MYBL1: variants seen among roughly 807,000 people sequenced by gnomAD.
MYBL1 encodes the protein myb-related protein A.
Under a neutral mutation model 96.3 loss-of-function variants are expected in MYBL1, and 17 were observed. The ratio of observed to expected loss-of-function variants is 0.18; its 90% CI spans 0.12 to 0.26. The LOEUF (loss-of-function observed/expected upper bound fraction) is 0.26, where lower values mean the gene tolerates loss of function less well. MYBL1 is among the 10% of genes least tolerant of loss of function. MYBL1 has a pLI of 1.00. For synonymous variants in MYBL1, 282 were observed against 292.7 expected (o/e 0.96, Z 0.37); for missense variants, 701 against 882.9 (o/e 0.79, Z 2.61).
intron 1 of MYBL1, among the ~76,000 whole-genome samples, chr8:66,602,841 GT>G (rs1287262627): frequency 6.9e-6 from 1 of 144,186 alleles, no homozygotes; most frequent in African/African-American, 2.6e-5. Flanking sequence ...CGCCTCCCAG[GT>G]TCACGCCATT....
At position 66,580,211 on chromosome 8, in the gene MYBL1, C is replaced by T. The variant is rs982558160; in HGVS notation, c.1023G>A (p.Leu341=). 8.1e-6 allele frequency: 13 copies of T among 1,613,812 alleles called. No individual in the cohort carries two copies. The highest frequency in any genetic ancestry group is 1.1e-5 in the Non-Finnish European group (13 of 1,179,872). The change falls in exon 9 of 16, where the codon CTG becomes CTA. Residue 341 remains leucine, a synonymous_variant. Coordinates refer to ENST00000522677, the MANE Select transcript of MYBL1 (RefSeq NM_001080416.4). ...ATAACACAGCGTTTGCCTCCACGGCCAGGAACTTTGTGGGTGAATTCTGCT... is the reference window on the plus strand; with the variant it reads ...ATAACACAGCGTTTGCCTCCACGGCTAGGAACTTTGTGGGTGAATTCTGCT... ...SAQQNSPTKF[L]AVEANAVLSS... is the part of the protein sequence containing the mutation.
At chr8:66,597,772 C>A (rs1809906679) in intron 4 of MYBL1, among the ~76,000 whole-genome samples, 1 of 138,476 alleles carries the variant, frequency 7.2e-6, no homozygotes, top group Non-Finnish European at 1.5e-5. Flanking sequence ...TCTTGAAATT[C>A]AATTGCTTTC....
rs1396674328 is a variant in MYBL1, at chr8:66,592,539, G to C, written c.768C>G (p.Pro256=). 3 of 1,574,166 alleles carry C rather than the reference G, an allele frequency of 1.9e-6. No homozygotes were observed. Among genetic ancestry groups the C allele is most frequent in the Non-Finnish European group, 2.6e-6 (3 of 1,162,972 alleles). ...VQPTSAFIQQ[P]FIDEDPDKEK... ...CCTTATCAGGATCTTCATCAATGAA[G>C]GGTTGCTAAAATAAGTTAAATAAAA... Residue 256 remains proline (P), a synonymous_variant, in exon 8 of 16, where the codon CCC becomes CCG. Transcript: ENST00000522677.
At chr8:66,598,256 A>T (rs1809929244) in intron 4 of MYBL1, among the ~76,000 whole-genome samples, 1 of 152,180 alleles carries the variant, frequency 6.6e-6, no homozygotes, top group Non-Finnish European at 1.5e-5. Context: ...AGTGCAGTCT[A>T]GGTGAAGTAA....
chr8:66,599,748 C>T (rs1809993994), intron 3 of MYBL1, among the ~76,000 whole-genome samples: 1 of 151,502 alleles, frequency 6.6e-6, no homozygotes, highest in African/African-American at 2.4e-5. Context: ...TGCGGTGAGC[C>T]GAGATTGCAC....
chr8:66,604,530 G>A (rs1282576926), intron 1 of MYBL1, among the ~76,000 whole-genome samples: 1 of 151,640 alleles, frequency 6.6e-6, no homozygotes, highest in African/African-American at 2.4e-5. Context: ...AAAAAAGATG[G>A]TGTCCTACTT....
Position 66,580,158 on chromosome 8 carries a change from G to A in MYBL1, c.1076C>T (p.Ala359Val). 1.2e-6 allele frequency: 2 copies of A among 1,613,342 alleles called. No homozygotes were observed. The highest frequency in any genetic ancestry group is 1.7e-6 in the Non-Finnish European group (2 of 1,179,428). ...LSSLQTIPEF[A>V]ETLELIESDP... ...AGATTCAATAAGTTCTAGAGTCTCT[G>A]CAAATTCTGGGATGGTCTGCAAAGA... is the stretch of plus-strand genomic sequence containing the variant. The change falls in exon 9 of 16, where the codon GCA (alanine) becomes GTA (valine). Residue 359 changes from alanine to valine, a missense_variant. Around this residue, in one of 5 missense-constraint regions of MYBL1, gnomAD observed 396 missense variants for 407.4 expected, o/e 0.97. Transcript: ENST00000522677.
intron 12 of MYBL1, among the ~76,000 whole-genome samples, chr8:66,568,059 A>C (rs897349005): frequency 3.3e-5 from 5 of 151,756 alleles, no homozygotes; most frequent in African/African-American, 1.2e-4. Context: ...AAAAAAAAAA[A>C]AAACAACAAC....
intron 6 of MYBL1, among the ~76,000 whole-genome samples, chr8:66,594,401 T>C (rs1004922902): frequency 6.6e-6 from 1 of 152,102 alleles, no homozygotes; most frequent in East Asian, 1.9e-4. Context: ...GTCACACATA[T>C]AATAAAATTA....
chr8:66,566,253 A>C lies in MYBL1; in HGVS notation c.1951-10T>G. ...TAAATCTATTTTCTGACTAAGAGAG[A>C]AAAAAGAAAGAGGAAAATAACTAAT... On this transcript the variant is annotated splice_polypyrimidine_tract_variant and intron_variant, in intron 14 of 15. Transcript: ENST00000522677. 7.0e-7 allele frequency: 1 copy of C among 1,431,012 alleles called. No homozygotes were observed. The highest frequency in any genetic ancestry group is 9.4e-7 in the Non-Finnish European group (1 of 1,061,598). 88.6% of individuals were successfully genotyped at this position (1,431,012 alleles called of 1,614,324 possible). A position where few individuals can be genotyped will look rare whatever the true frequency, so the allele number is the denominator to read the frequency against.
chr8:66,586,167 T>A (rs532783470), intron 8 of MYBL1, among the ~76,000 whole-genome samples: 1 of 150,438 alleles, frequency 6.6e-6, no homozygotes, highest in Non-Finnish European at 1.5e-5. Flanking sequence ...CACCTCAGCA[T>A]TCTGAGTAGC....
Position 66,580,212 on chromosome 8 carries a change from A to G in MYBL1, c.1022T>C (p.Leu341Pro), listed in dbSNP as rs1809145855. The change falls in exon 9 of 16, where the codon CTG (leucine) becomes CCG (proline). Residue 341 changes from leucine to proline, a missense_variant. Physicochemically the swap from Leu to Pro is moderately conservative, Grantham distance 98. Coordinates refer to ENST00000522677, the MANE Select transcript of MYBL1 (RefSeq NM_001080416.4). ...TAACACAGCGTTTGCCTCCACGGCCAGGAACTTTGTGGGTGAATTCTGCTG... is the reference window on the plus strand; with the variant it reads ...TAACACAGCGTTTGCCTCCACGGCCGGGAACTTTGTGGGTGAATTCTGCTG... ...SAQQNSPTKF[L>P]AVEANAVLSS... is the part of the protein sequence containing the mutation. 6.2e-7 allele frequency: 1 copy of G among 1,613,988 alleles called. No individual in the cohort carries two copies. The highest frequency in any genetic ancestry group is 8.5e-7 in the Non-Finnish European group (1 of 1,179,870).
At chr8:66,599,527 G>A (rs955975480) in intron 3 of MYBL1, among the ~76,000 whole-genome samples, 2 of 152,138 alleles carry the variant, frequency 1.3e-5, no homozygotes, top group African/African-American at 2.4e-5. Flanking sequence ...AGTGCCAGGC[G>A]CAGTGGCTCA....
rs1476183601 is a variant in MYBL1, at chr8:66,585,426, CA to C, written c.868-5061del. On this transcript the variant is annotated intron_variant, in intron 8 of 15. Coordinates refer to ENST00000522677, the MANE Select transcript of MYBL1 (RefSeq NM_001080416.4). ...GGATGAAAGACTTAAATTTAACACCCAAAATATAAAACTACTAGAAGAAAAC... is the reference window on the plus strand; with the variant it reads ...GGATGAAAGACTTAAATTTAACACCCAAATATAAAACTACTAGAAGAAAAC... Among the ~76,000 whole-genome samples the C allele has an allele frequency of 2.6e-5, 4 of 152,170 alleles. No individual in the cohort carries two copies. In the South Asian group the frequency reaches 6.2e-4, roughly 24 times the overall value.
At chr8:66,595,969 C>T (rs1371333126) in intron 5 of MYBL1, among the ~76,000 whole-genome samples, 1 of 151,972 alleles carries the variant, frequency 6.6e-6, no homozygotes, top group East Asian at 1.9e-4. Context: ...AGGCATAGTT[C>T]TAAGCACCAG....
chr8:66,588,499 C>T (rs1421253908), intron 8 of MYBL1, among the ~76,000 whole-genome samples: 2 of 151,916 alleles, frequency 1.3e-5, no homozygotes, highest in African/African-American at 2.4e-5. Context: ...AGGCTGGTCT[C>T]GAACTCCTGG....
chr8:66,572,331 A>T, intron 12 of MYBL1, 151 bp downstream of exon 12: 2 of 412,910 alleles, frequency 4.8e-6, no homozygotes. Context: ...AAAAAAAAAC[A>T]AAAAAAAAAC....
At chr8:66,580,812 A>G (rs1280036871) in intron 8 of MYBL1, among the ~76,000 whole-genome samples, 1 of 150,826 alleles carries the variant, frequency 6.6e-6, no homozygotes, top group Non-Finnish European at 1.5e-5. Flanking sequence ...TGCTCCCTCT[A>G]TCTATTAATA....
rs372059344 is a variant in MYBL1, at chr8:66,580,144, G to A, written c.1090C>T (p.Leu364Phe). ...AATTTTTTACTTACAGATTCAATAA[G>A]TTCTAGAGTCTCTGCAAATTCTGGG... ...TIPEFAETLELIESDPVAWSD... is the reference protein window; with the variant it reads ...TIPEFAETLEFIESDPVAWSD... Residue 364 changes from leucine to phenylalanine, a missense_variant, in exon 9 of 16, where the codon CTT becomes TTT. Coordinates refer to ENST00000522677, the MANE Select transcript of MYBL1 (RefSeq NM_001080416.4). 6.2e-7 allele frequency: 1 copy of A among 1,610,558 alleles called. No homozygotes were observed. Among genetic ancestry groups the A allele is most frequent in the African/African-American group, 1.3e-5 (1 of 74,962 alleles).
Sources: gnomAD v4.1 joint callset for allele counts (sites outside exome capture counted in the v4.1 genomes callset) on GRCh38, gnomAD v4.1.1 for gene constraint, gnomAD v4.1.1 regional missense constraint, MANE v1.5 for transcripts, NCBI Gene and HGNC (gene_info 2026-07-23, HGNC 2026-07-21) for gene names.